The following MPDZ variants were observed in gnomAD, a reference collection of about 807,000 sequenced individuals.
MPDZ encodes multiple PDZ domain crumbs cell polarity complex component, also known as multiple PDZ domain protein.
In MPDZ, 234 loss-of-function variants were observed where a neutral mutation model predicts 239.1. That is an observed-to-expected ratio of 0.98 (90% confidence interval 0.88 to 1.09). The LOEUF (loss-of-function observed/expected upper bound fraction) is 1.09, where lower values mean the gene tolerates loss of function less well. Among genes scored for constraint, MPDZ ranks in the 50% least tolerant of loss-of-function variants. The pLI is 0.00. For missense variants in MPDZ, 3,175 were observed against 2,510.0 expected (o/e 1.26, Z -5.66); for synonymous variants, 1,048 against 881.3 (o/e 1.19, Z -3.35).
chr9:13,162,263 CAA>C (rs71331527), intron 23 of MPDZ, among the ~76,000 whole-genome samples: 2,071 of 115,238 alleles, frequency 0.018, 47 homozygotes, highest in South Asian at 0.11. Context: ...GGCTCTGCCT[CAA>C]AAAAAAAAAA....
intron 31 of MPDZ, 124 bp from the exon 32 acceptor site, chr9:13,134,028 T>C (rs889274266): frequency 5.7e-6 from 2 of 349,982 alleles, no homozygotes; most frequent in African/African-American, 4.3e-5. Context: ...TACATTTATT[T>C]ATTTTAATAC....
chr9:13,184,350 T>C (rs997229642), intron 18 of MPDZ, among the ~76,000 whole-genome samples: 1 of 151,986 alleles, frequency 6.6e-6, no homozygotes, highest in Non-Finnish European at 1.5e-5. Context: ...AACTGACATA[T>C]ATACTACCTT....
At chr9:13,139,945 A>G in intron 28 of MPDZ, 42 bp downstream of exon 28, 3 of 1,611,436 alleles carry the variant, frequency 1.9e-6, no homozygotes, top group Non-Finnish European at 1.7e-6. Flanking sequence ...GAGCTATTTT[A>G]ATACCTCTTA....
intron 39 of MPDZ, among the ~76,000 whole-genome samples, chr9:13,116,395 AG>A (rs1943451623): frequency 6.6e-6 from 1 of 152,188 alleles, no homozygotes; most frequent in Non-Finnish European, 1.5e-5. Flanking sequence ...TGCTTATGAC[AG>A]TGTCTAGAAT....
chr9:13,209,077 A>G (rs977592208), intron 10 of MPDZ, among the ~76,000 whole-genome samples: 3 of 152,120 alleles, frequency 2.0e-5, no homozygotes, highest in African/African-American at 7.2e-5. Context: ...TATGTGTGGG[A>G]ATAGCCTGTC....
intron 13 of MPDZ, among the ~76,000 whole-genome samples, chr9:13,194,600 G>C (rs889098469): frequency 2.6e-5 from 4 of 151,994 alleles, no homozygotes; most frequent in Non-Finnish European, 4.4e-5. Flanking sequence ...ATGCATGCAG[G>C]CCTTAAAACC....
At chr9:13,111,552 T>C (rs1050925550) in intron 43 of MPDZ, among the ~76,000 whole-genome samples, 3 of 152,190 alleles carry the variant, frequency 2.0e-5, no homozygotes, top group Non-Finnish European at 4.4e-5. Flanking sequence ...ATTTGGATAA[T>C]CCCTCAGCTT....
chr9:13,244,605 A>T (rs1225306818), intron 3 of MPDZ, among the ~76,000 whole-genome samples: 1 of 152,294 alleles, frequency 6.6e-6, no homozygotes, highest in East Asian at 1.9e-4. Flanking sequence ...TATTTTTGAC[A>T]ATATTTAAAT....
In MPDZ at chr9:13,217,047, A is replaced by C. The variant is rs1958438136; in HGVS notation, c.1201+133T>G. 7.4e-5 allele frequency: 59 copies of C among 801,402 alleles called. 1 individual carries two copies. The South Asian group carries it at 1.1e-3, about 15-fold the overall frequency. The allele number at this position is 801,402 out of a possible 1,614,324, so 49.6% of individuals were successfully genotyped here. A position where few individuals can be genotyped will look rare whatever the true frequency, so the allele number is the denominator to read the frequency against. On this transcript the variant is annotated intron_variant, in intron 9 of 46. Transcript: ENST00000319217. ...TACAATATAAGAGTCACCTACACTA[A>C]ATTATTCCTAAGGAAGTTTTCAACC...
chr9:13,210,071 T>G (rs890788924), intron 10 of MPDZ, among the ~76,000 whole-genome samples: 1 of 132,878 alleles, frequency 7.5e-6, no homozygotes, highest in African/African-American at 2.9e-5. Flanking sequence ...GATGAGAAAT[T>G]ACAAAAAAAA....
intron 23 of MPDZ, among the ~76,000 whole-genome samples, chr9:13,158,395 T>A (rs1950081977): frequency 6.6e-6 from 1 of 152,060 alleles, no homozygotes; most frequent in East Asian, 1.9e-4. Context: ...AGGAAAGGAA[T>A]GGGGAAAATA....
intron 37 of MPDZ, 72 bp from the exon 38 acceptor site, chr9:13,122,004 A>G (rs756911737): frequency 1.9e-6 from 3 of 1,597,766 alleles, no homozygotes; most frequent in South Asian, 2.2e-5. Context: ...AAGGGAAGAG[A>G]GAGAAAGAAG....
chr9:13,112,322 G>C (rs939103476), intron 42 of MPDZ, among the ~76,000 whole-genome samples, 176 bp from the exon 43 acceptor site: 2 of 152,196 alleles, frequency 1.3e-5, no homozygotes, highest in Non-Finnish European at 2.9e-5. Context: ...CGTGGCTTAG[G>C]AAAATAAGCA....
At chr9:13,177,996 G>A (rs1410786906) in intron 19 of MPDZ, among the ~76,000 whole-genome samples, 1 of 152,102 alleles carries the variant, frequency 6.6e-6, no homozygotes, top group East Asian at 1.9e-4. Context: ...CATATTTTTA[G>A]TAGAGACGGG....
chr9:13,234,895 A>G (rs1033325690), intron 3 of MPDZ, among the ~76,000 whole-genome samples: 2 of 152,106 alleles, frequency 1.3e-5, no homozygotes, highest in African/African-American at 4.8e-5. Context: ...TGAATTTACC[A>G]AAAATGCTGT....
chr9:13,111,079 A>G (rs181542022), intron 43 of MPDZ, among the ~76,000 whole-genome samples: 13 of 152,318 alleles, frequency 8.5e-5, no homozygotes, highest in Non-Finnish European at 1.3e-4. Context: ...TTCTCTGGAC[A>G]TTACTATTAT....
chr9:13,232,601 C>A lies in MPDZ; in HGVS notation c.184-8018G>T, dbSNP rs76247900. On this transcript the variant is annotated intron_variant, in intron 3 of 46. Transcript: ENST00000319217. ...AAAATCTCTGTATTTTAGAAGTAGC[C>A]ACAGGTTTCTTATATAGGGCAAAAA... Among the ~76,000 whole-genome samples the A allele has an allele frequency of 8.4e-3, 1,266 of 150,186 alleles. 19 individuals carry two copies. The highest frequency in any genetic ancestry group is 0.029 in the African/African-American group (1,207 of 40,926).
chr9:13,223,779 C>A, intron 4 of MPDZ, 69 bp from the exon 5 acceptor site: 1 of 1,473,636 alleles, frequency 6.8e-7, no homozygotes, highest in Non-Finnish European at 9.0e-7. Context: ...CGCCTGTAAT[C>A]CCAGCACTTT....
At chr9:13,141,066 G>A (rs1367561016) in intron 27 of MPDZ, 2 of 150,020 alleles carry the variant, frequency 1.3e-5, no homozygotes, top group African/African-American at 2.5e-5. Flanking sequence ...ATGGCATACT[G>A]GCTGTCACTT....
Sources: gnomAD v4.1 joint callset for allele counts (sites outside exome capture counted in the v4.1 genomes callset) on GRCh38, gnomAD v4.1.1 for gene constraint, MANE v1.5 for transcripts, NCBI Gene and HGNC (gene_info 2026-07-23, HGNC 2026-07-21) for gene names.